Variants in PCDHGB2 observed in about 807,000 individuals in gnomAD.
PCDHGB2 encodes protocadherin gamma subfamily B, 2, also known as protocadherin gamma-B2.
A neutral mutation model predicts 59.3 loss-of-function variants in PCDHGB2; 55 were observed. That is an observed-to-expected ratio of 0.93 (90% CI 0.75 to 1.16). The LOEUF (loss-of-function observed/expected upper bound fraction) is 1.16, where lower values mean the gene tolerates loss of function less well. Ranked by LOEUF, PCDHGB2 falls within the 50% of genes most tolerant of loss-of-function variation. The pLI is 0.00. For missense variants in PCDHGB2, 1,228 were observed against 1,198.5 expected (o/e 1.02, Z -0.36); for synonymous variants, 516 against 512.0 (o/e 1.01, Z -0.11).
intron 1 of PCDHGB2, chr5:141,385,074 G>T: frequency 1.2e-6 from 2 of 1,614,192 alleles, no homozygotes; most frequent in African/African-American, 1.3e-5. Context: ...CACGCCTGCT[G>T]CAGGCTTCAG....
intron 1 of PCDHGB2, chr5:141,366,644 C>T (rs759831298): frequency 1.2e-6 from 2 of 1,614,268 alleles, no homozygotes; most frequent in East Asian, 2.2e-5. Flanking sequence ...GATCTTTCCC[C>T]AGCCCAACTA....
chr5:141,419,332 C>A, intron 1 of PCDHGB2: 1 of 1,613,950 alleles, frequency 6.2e-7, no homozygotes, highest in South Asian at 1.1e-5. Context: ...CCTACTCTCT[C>A]ATTGCCAGCG....
intron 1 of PCDHGB2, among the ~76,000 whole-genome samples, chr5:141,484,096 G>T (rs539388257): frequency 6.6e-6 from 1 of 152,244 alleles, no homozygotes; most frequent in Non-Finnish European, 1.5e-5. Flanking sequence ...GTCTTCGTTG[G>T]TAATTAACAA....
chr5:141,447,658 A>C (rs114314834), intron 1 of PCDHGB2, among the ~76,000 whole-genome samples: 3,576 of 152,302 alleles, frequency 0.023, 90 homozygotes, highest in Non-Finnish European at 0.03. Context: ...TTTCCCCCCC[A>C]GGAAGTTAGA....
At chr5:141,402,884 T>G in intron 1 of PCDHGB2, 1 of 1,481,582 alleles carries the variant, frequency 6.7e-7, no homozygotes, top group Non-Finnish European at 9.0e-7. Flanking sequence ...CTTTGCAGGG[T>G]GGAAGAAAGA....
At chr5:141,388,972 A>G in intron 1 of PCDHGB2, 1 of 1,614,008 alleles carries the variant, frequency 6.2e-7, no homozygotes, top group Non-Finnish European at 8.5e-7. Context: ...CTGGGAACAC[A>G]TATTGCTTTG....
intron 1 of PCDHGB2, chr5:141,410,388 C>G (rs1312753736): frequency 6.2e-7 from 1 of 1,613,962 alleles, no homozygotes; most frequent in African/African-American, 1.3e-5. Flanking sequence ...TGCTTCCATC[C>G]TGGTCTCTGT....
chr5:141,395,414 T>A (rs1254527655), intron 1 of PCDHGB2: 7 of 780,958 alleles, frequency 9.0e-6, no homozygotes, highest in Non-Finnish European at 1.4e-5. Flanking sequence ...TAGGTTATTG[T>A]TTCATTTGCT....
At chr5:141,503,284 G>C (rs899456087) in intron 2 of PCDHGB2, among the ~76,000 whole-genome samples, 2 of 152,044 alleles carry the variant, frequency 1.3e-5, no homozygotes, top group African/African-American at 4.8e-5. Flanking sequence ...TCTGTGTCTG[G>C]TACATAGAAA....
Position 141,464,279 on chromosome 5 carries a change from CA to C in PCDHGB2, c.2422-30517del, listed in dbSNP as rs373828487. Among the ~76,000 whole-genome samples, 143 of 137,732 alleles carry C rather than the reference CA, an allele frequency of 1.0e-3. 2 individuals are homozygous for C. The Middle Eastern group carries it at 0.015, about 15-fold the overall frequency. 90.4% of individuals were successfully genotyped at this position (137,732 alleles called of 152,430 possible). A position where few individuals can be genotyped will look rare whatever the true frequency, so the allele number is the denominator to read the frequency against. The stretch of plus-strand genomic sequence containing the variant: ...GACTCCGTCTAAAAAAAAAAAAAAG[CA>C]AAAAAAAAAACTCCATTGTATGTGC... On this transcript the variant is annotated intron_variant, in intron 1 of 3. Transcript: ENST00000522605.
intron 2 of PCDHGB2, among the ~76,000 whole-genome samples, chr5:141,496,008 C>CT (rs1468405718): frequency 2.0e-5 from 3 of 151,956 alleles, no homozygotes; most frequent in Non-Finnish European, 4.4e-5. Flanking sequence ...TTTATCTTGT[C>CT]TTTTTTCTCT....
intron 1 of PCDHGB2, chr5:141,376,357 A>G: frequency 6.2e-7 from 1 of 1,614,012 alleles, no homozygotes; most frequent in Non-Finnish European, 8.5e-7. Context: ...ACGAGGTCTC[A>G]CTCACTGCAG....
At position 141,360,361 on chromosome 5, in the gene PCDHGB2, A is replaced by G. The variant is rs778766026; in HGVS notation, c.226A>G (p.Thr76Ala). ...LRVSAEKEYFTVNPESGDLLV... is the reference protein window; with the variant it reads ...LRVSAEKEYFAVNPESGDLLV... The stretch of plus-strand genomic sequence containing the variant: ...GGTTAGCGCGGAGAAGGAATATTTC[A>G]CAGTAAACCCAGAAAGCGGAGACTT... Residue 76 changes from threonine (T) to alanine (A), a missense_variant, in exon 1 of 4, where the codon ACA (threonine) becomes GCA (alanine). Transcript: ENST00000522605. 1 of 1,613,910 alleles carries G rather than the reference A, an allele frequency of 6.2e-7. No homozygotes were observed. The highest frequency in any genetic ancestry group is 8.5e-7 in the Non-Finnish European group (1 of 1,179,822).
chr5:141,408,071 T>C, intron 1 of PCDHGB2: 4 of 1,384,774 alleles, frequency 2.9e-6, no homozygotes, highest in Non-Finnish European at 2.9e-6. Context: ...GCGCAGACCT[T>C]TCCCAGCACA....
At chr5:141,507,183 C>T (rs2099859036) in intron 3 of PCDHGB2, 1 of 152,428 alleles carries the variant, frequency 6.6e-6, no homozygotes, top group Non-Finnish European at 1.5e-5. Flanking sequence ...TCCTCGAGCT[C>T]TGCTTTATTC....
At chr5:141,500,446 T>C (rs2099800320) in intron 2 of PCDHGB2, among the ~76,000 whole-genome samples, 1 of 152,002 alleles carries the variant, frequency 6.6e-6, no homozygotes, top group South Asian at 2.1e-4. Context: ...CCTGACCTCG[T>C]GATCCGCCCG....
intron 3 of PCDHGB2, 162 bp downstream of exon 3, chr5:141,505,643 T>C: frequency 1.0e-6 from 1 of 967,852 alleles, no homozygotes. Context: ...AAGCCTGGAA[T>C]TGTGGCTAAG....
At chr5:141,384,808 G>A in intron 1 of PCDHGB2, 3 of 1,613,484 alleles carry the variant, frequency 1.9e-6, no homozygotes, top group Non-Finnish European at 2.5e-6. Flanking sequence ...GGACAGAGAT[G>A]CCCTCAAGCA....
chr5:141,383,541 C>T lies in PCDHGB2; in HGVS notation c.2421+20985C>T, dbSNP rs1197504109. 4 of 1,612,656 alleles carry T rather than the reference C, an allele frequency of 2.5e-6. No individual in the cohort carries two copies. In the East Asian group the frequency reaches 6.7e-5, roughly 27 times the overall value. ...GGGTTCACCACCTGGTCCTCACAGC[C>T]TCTGATGGCGGCGACCCGCCCCGAT... On this transcript the variant is annotated intron_variant, in intron 1 of 3. Coordinates refer to ENST00000522605, the MANE Select transcript of PCDHGB2 (RefSeq NM_018923.3).
Sources: allele counts gnomAD v4.1 joint callset (sites outside exome capture counted in the v4.1 genomes callset), GRCh38; gene constraint gnomAD v4.1.1; transcripts MANE v1.5; gene names NCBI Gene and HGNC (gene_info 2026-07-23, HGNC 2026-07-21).